DDX4: variants seen among roughly 807,000 people sequenced by gnomAD.
DDX4 encodes the protein probable ATP-dependent RNA helicase DDX4.
DDX4 carries 25 observed loss-of-function variants against 100.0 expected under a neutral mutation model. The ratio of observed to expected loss-of-function variants is 0.25; its 90% CI spans 0.18 to 0.35. The LOEUF is 0.35. DDX4 is among the 10% of genes least tolerant of loss of function. DDX4 has a pLI of 1.00. For synonymous variants in DDX4, 259 were observed against 275.7 expected, an observed-to-expected ratio of 0.94 and a Z score of 0.60; for missense variants, 635 against 882.4, an observed-to-expected ratio of 0.72 and a Z score of 3.55.
intron 5 of DDX4, among the ~76,000 whole-genome samples, chr5:55,763,810 G>T (rs543070789): frequency 1.3e-5 from 2 of 152,110 alleles, no homozygotes; most frequent in African/African-American, 4.8e-5. Context: ...TGAAAAGAAA[G>T]TTGTTTTTAA....
chr5:55,786,883 A>G (rs1434390500), intron 14 of DDX4, among the ~76,000 whole-genome samples: 1 of 152,226 alleles, frequency 6.6e-6, no homozygotes, highest in African/African-American at 2.4e-5. Context: ...CTGTCCATAG[A>G]TGTTTAATCT....
In DDX4 at chr5:55,767,897, C is replaced by T. The variant is rs148169621; in HGVS notation, c.351C>T (p.Cys117=). Residue 117 remains cysteine, a synonymous_variant, in exon 7 of 22, where the codon TGC becomes TGT. Coordinates refer to ENST00000505374, the MANE Select transcript of DDX4 (RefSeq NM_024415.3). ...SGFWRESSND[C]EDNPTRNRGF... is the part of the protein sequence containing the mutation. ...TTATTGAAGAGTCTAGTAATGACTGCGAAGATAATCCAACACGGAACAGAG... is the reference window on the plus strand; with the variant it reads ...TTATTGAAGAGTCTAGTAATGACTGTGAAGATAATCCAACACGGAACAGAG... 5.1e-5 allele frequency: 82 copies of T among 1,613,408 alleles called. No homozygotes were observed. Among genetic ancestry groups the T allele is most frequent in the African/African-American group, 8.0e-5 (6 of 74,838 alleles).
chr5:55,816,690 A>AC lies in DDX4; in HGVS notation c.*151dup, dbSNP rs376756395. On this transcript the variant is annotated 3_prime_UTR_variant, in exon 22 of 22. Transcript: ENST00000505374. ...ACACTTAAAAAAAAAATCCTTACTG[A>AC]CTAGTTATGTGAGATGCTAAAACTT... is the stretch of plus-strand genomic sequence containing the variant. The AC allele has an allele frequency of 1.2e-3, 1,671 of 1,346,056 alleles. 3 individuals are homozygous for AC. The highest frequency in any genetic ancestry group is 5.0e-3 in the African/African-American group (336 of 67,606). 83.4% of individuals were successfully genotyped at this position (1,346,056 alleles called of 1,614,324 possible).
intron 18 of DDX4, among the ~76,000 whole-genome samples, chr5:55,804,656 GGC>G (rs1743573024): frequency 6.6e-6 from 1 of 151,902 alleles, no homozygotes; most frequent in African/African-American, 2.4e-5. Context: ...TATTTCTGAG[GGC>G]TCTGTTCTGT....
intron 4 of DDX4, 107 bp from the exon 5 acceptor site, chr5:55,763,068 C>T: frequency 1.3e-5 from 9 of 696,608 alleles, no homozygotes; most frequent in South Asian, 5.9e-5. Flanking sequence ...ACTCTTTTCC[C>T]ATCCTTGGAA....
Position 55,786,534 on chromosome 5 carries a change from ATC to A in DDX4, c.885_886del (p.Cys296SerfsTer5), listed in dbSNP as rs1436097858. 6.2e-7 allele frequency: 1 copy of A among 1,612,552 alleles called. No individual in the cohort carries two copies. On this transcript the variant is annotated frameshift_variant, in exon 14 of 22. Coordinates refer to ENST00000505374, the MANE Select transcript of DDX4 (RefSeq NM_024415.3). LOFTEE classifies it high-confidence loss of function. ...AATTTTCAGACTTTTGAAGAAGCTA[ATC>A]TCTGTCAGACACTGAATAACAACAT...
At chr5:55,765,413 A>AAAAAATATATATATATAT (rs1392558099) in intron 6 of DDX4, among the ~76,000 whole-genome samples, 1 of 83,040 alleles carries the variant, frequency 1.2e-5, no homozygotes, top group African/African-American at 5.8e-5. Context: ...AAAAAAAAAA[A>AAAAAATATATATATATAT]ATATATATAT....
chr5:55,796,697 C>CTTG (rs1742960622), intron 17 of DDX4, among the ~76,000 whole-genome samples: 1 of 151,872 alleles, frequency 6.6e-6, no homozygotes, highest in Non-Finnish European at 1.5e-5. Context: ...ATTATTTGTG[C>CTTG]TTGTTTCTTC....
chr5:55,750,454 G>T, intron 3 of DDX4: 1 of 154,136 alleles, frequency 6.5e-6, no homozygotes, highest in Non-Finnish European at 1.5e-5. Flanking sequence ...GGAGGAGGAG[G>T]AGGGTCATCT....
chr5:55,764,372 A>G (rs932143198), intron 6 of DDX4, among the ~76,000 whole-genome samples: 2 of 152,222 alleles, frequency 1.3e-5, no homozygotes, highest in African/African-American at 2.4e-5. Context: ...CACTCTCTAT[A>G]TAAATACAGT....
At chr5:55,752,819 A>G (rs960114937) in intron 3 of DDX4, among the ~76,000 whole-genome samples, 66 of 145,756 alleles carry the variant, frequency 4.5e-4, no homozygotes, top group African/African-American at 1.6e-3. Context: ...AAGTGTTCCT[A>G]TTTCTCCACA....
chr5:55,782,550 A>T (rs1741981680), intron 10 of DDX4, among the ~76,000 whole-genome samples: 1 of 151,820 alleles, frequency 6.6e-6, no homozygotes, highest in African/African-American at 2.4e-5. Flanking sequence ...GTAAGCCGAG[A>T]TCATACCACT....
At chr5:55,796,819 CTTTCTTTTTTTTTTTTTTTTTTTTTTTT>C (rs1162530236) in intron 17 of DDX4, among the ~76,000 whole-genome samples, 26 of 63,454 alleles carry the variant, frequency 4.1e-4, no homozygotes, top group African/African-American at 1.3e-3. Flanking sequence ...TTTTTTCTTT[CTTTCTTTTTTTTTTTTTTTTTTTTTTTT>C]TTTTTTTTTT....
intron 3 of DDX4, among the ~76,000 whole-genome samples, chr5:55,755,032 A>G (rs1287552878): frequency 6.6e-6 from 1 of 152,032 alleles, no homozygotes; most frequent in African/African-American, 2.4e-5. Context: ...TTTTTTCAAT[A>G]TGGTGAGAAA....
chr5:55,793,619 A>G (rs568455184), intron 17 of DDX4, among the ~76,000 whole-genome samples: 1 of 152,316 alleles, frequency 6.6e-6, no homozygotes, highest in East Asian at 1.9e-4. Flanking sequence ...ACAAGAAGGG[A>G]TGGGAAGCAT....
intron 3 of DDX4, among the ~76,000 whole-genome samples, chr5:55,751,686 T>C (rs1759561266): frequency 6.6e-6 from 1 of 152,236 alleles, no homozygotes; most frequent in Non-Finnish European, 1.5e-5. Context: ...GCATTGTTAA[T>C]ATTCTAGATT....
intron 3 of DDX4, among the ~76,000 whole-genome samples, chr5:55,756,597 A>G (rs983759559): frequency 6.6e-6 from 1 of 152,158 alleles, no homozygotes; most frequent in Non-Finnish European, 1.5e-5. Context: ...CTGAAGTCTC[A>G]TACATAATTG....
Position 55,785,300 on chromosome 5 carries a change from GT to G in DDX4, c.631del (p.Tyr211ThrfsTer4). The G allele has an allele frequency of 6.3e-7, 1 of 1,594,708 alleles. No individual in the cohort carries two copies. Among genetic ancestry groups the G allele is most frequent in the Non-Finnish European group, 8.6e-7 (1 of 1,163,318 alleles). ...SRSGSGSERG[G>X]YKGLNEEVIT... ...CACTTATGAATTTCTTTAATAGGTG[GT>G]TACAAAGGTTTAAATGAAGAAGTAA... On this transcript the variant is annotated frameshift_variant, in exon 11 of 22. Transcript: ENST00000505374. LOFTEE classifies it high-confidence loss of function.
chr5:55,741,477 C>T (rs191502463), intron 2 of DDX4, among the ~76,000 whole-genome samples: 6 of 152,182 alleles, frequency 3.9e-5, no homozygotes, highest in Admixed American at 3.3e-4. Flanking sequence ...CTTTATTTGC[C>T]TTCCTAGGTT....
Sources: allele counts gnomAD v4.1 joint callset (sites outside exome capture counted in the v4.1 genomes callset), GRCh38; gene constraint gnomAD v4.1.1; transcripts MANE v1.5; gene names NCBI Gene and HGNC (gene_info 2026-07-23, HGNC 2026-07-21).